Variants in STAG1 observed in about 807,000 individuals in gnomAD.
STAG1 encodes STAG1 cohesin complex component.
STAG1 carries 26 observed loss-of-function variants against 170.9 expected under a neutral mutation model. The observed-to-expected ratio is 0.15, with a 90% confidence interval of 0.11 to 0.21. The LOEUF is 0.21. Among genes scored for constraint, STAG1 ranks in the 10% least tolerant of loss-of-function variants. STAG1 has a pLI of 1.00. For missense variants in STAG1, 964 were observed against 1,509.5 expected (o/e 0.64, Z 5.99); for synonymous variants, 514 against 497.7 (o/e 1.03, Z -0.44).
At chr3:136,543,970 AG>A (rs1382898859) in intron 5 of STAG1, among the ~76,000 whole-genome samples, 5 of 152,156 alleles carry the variant, frequency 3.3e-5, no homozygotes, top group Admixed American at 6.5e-5. Flanking sequence ...TGAGTTCTAC[AG>A]GAAGTCAGAT....
chr3:136,340,424 A>C, intron 32 of STAG1, 67 bp downstream of exon 32: 1 of 1,067,986 alleles, frequency 9.4e-7, no homozygotes, highest in Non-Finnish European at 1.4e-6. Flanking sequence ...GCCCGGCCTA[A>C]GAGGATCATC....
chr3:136,400,054 C>A (rs2087274787), intron 21 of STAG1, among the ~76,000 whole-genome samples: 1 of 151,614 alleles, frequency 6.6e-6, no homozygotes, highest in African/African-American at 2.4e-5. Flanking sequence ...TCCCAAATAG[C>A]TGGGACTACA....
At chr3:136,703,927 G>A (rs973595549) in intron 1 of STAG1, among the ~76,000 whole-genome samples, 22 of 152,008 alleles carry the variant, frequency 1.4e-4, no homozygotes, top group African/African-American at 5.1e-4. Flanking sequence ...CAGGAGAATC[G>A]CTTGAACCTG....
intron 3 of STAG1, among the ~76,000 whole-genome samples, chr3:136,616,423 TA>T (rs1939600085): frequency 6.6e-6 from 1 of 152,068 alleles, no homozygotes; most frequent in African/African-American, 2.4e-5. Context: ...AAGTCAGAAC[TA>T]AAAACTAGTC....
intron 7 of STAG1, among the ~76,000 whole-genome samples, chr3:136,516,258 C>T (rs1430780509): frequency 6.6e-6 from 1 of 151,990 alleles, no homozygotes; most frequent in Non-Finnish European, 1.5e-5. Context: ...GTTGTAATCC[C>T]AGCACTTTTA....
At chr3:136,384,090 C>G (rs1238500463) in intron 22 of STAG1, among the ~76,000 whole-genome samples, 2 of 151,930 alleles carry the variant, frequency 1.3e-5, no homozygotes, top group Non-Finnish European at 2.9e-5. Flanking sequence ...AACCAGTATG[C>G]TATAATGACT....
chr3:136,509,472 G>A (rs1933942036), intron 7 of STAG1, among the ~76,000 whole-genome samples: 1 of 152,056 alleles, frequency 6.6e-6, no homozygotes, highest in Admixed American at 6.5e-5. Context: ...TGCAGGTATG[G>A]GAGAGATGGT....
chr3:136,611,445 G>A (rs1334364632), intron 3 of STAG1, among the ~76,000 whole-genome samples: 1 of 151,500 alleles, frequency 6.6e-6, no homozygotes, highest in African/African-American at 2.4e-5. Context: ...CATCGTGCCT[G>A]GCCATAATAT....
At chr3:136,551,208 T>TTGA (rs1936371547) in intron 5 of STAG1, among the ~76,000 whole-genome samples, 2 of 44,496 alleles carry the variant, frequency 4.5e-5, no homozygotes, top group Non-Finnish European at 7.3e-5. Flanking sequence ...TGAGAGAGAG[T>TTGA]GAGAGAGAGA....
At chr3:136,352,214 T>A (rs1177694425) in intron 28 of STAG1, among the ~76,000 whole-genome samples, 1 of 152,196 alleles carries the variant, frequency 6.6e-6, no homozygotes, top group Non-Finnish European at 1.5e-5. Flanking sequence ...GAGGTTGGAG[T>A]GCAGTGGCAC....
chr3:136,580,521 CTTTTTTT>C (rs760635116), intron 4 of STAG1, among the ~76,000 whole-genome samples: 4 of 100,340 alleles, frequency 4.0e-5, no homozygotes, highest in East Asian at 3.3e-4. Context: ...TTGTATAATT[CTTTTTTT>C]TTTTTTTTTT....
At chr3:136,385,449 C>A (rs1364919021) in intron 22 of STAG1, among the ~76,000 whole-genome samples, 1 of 152,062 alleles carries the variant, frequency 6.6e-6, no homozygotes, top group African/African-American at 2.4e-5. Flanking sequence ...CTACAGAAAA[C>A]CAACTTTTTC....
At chr3:136,532,298 C>T (rs1439155754) in intron 6 of STAG1, among the ~76,000 whole-genome samples, 1 of 152,142 alleles carries the variant, frequency 6.6e-6, no homozygotes, top group Non-Finnish European at 1.5e-5. Context: ...TATCTAACTT[C>T]ATCAGGGATG....
intron 7 of STAG1, chr3:136,518,489 A>T: frequency 1.5e-6 from 1 of 663,852 alleles, no homozygotes; most frequent in Non-Finnish European, 2.7e-6. Context: ...AGAAGAGGGC[A>T]AAGATGAGAA....
At chr3:136,691,143 CA>C (rs113062770) in intron 1 of STAG1, among the ~76,000 whole-genome samples, 173 of 151,272 alleles carry the variant, frequency 1.1e-3, no homozygotes, top group African/African-American at 2.4e-3. Context: ...ACAAAAAATA[CA>C]AAAAAAATTG....
intron 1 of STAG1, among the ~76,000 whole-genome samples, chr3:136,634,987 C>T (rs933988398): frequency 6.6e-6 from 1 of 152,116 alleles, no homozygotes; most frequent in African/African-American, 2.4e-5. Flanking sequence ...GACACTGAAT[C>T]AGTTATCAAA....
intron 16 of STAG1, among the ~76,000 whole-genome samples, chr3:136,429,919 G>C (rs1559796488): frequency 6.6e-6 from 1 of 151,970 alleles, no homozygotes; most frequent in Non-Finnish European, 1.5e-5. Flanking sequence ...TTAATTTATT[G>C]CAAGAATACA....
At chr3:136,505,140 T>C (rs768107259) in intron 7 of STAG1, among the ~76,000 whole-genome samples, 2 of 152,200 alleles carry the variant, frequency 1.3e-5, no homozygotes, top group South Asian at 2.1e-4. Flanking sequence ...TATCTCTGCA[T>C]AGAATTGGTA....
At chr3:136,434,899 A>G (rs2088410838) in intron 15 of STAG1, among the ~76,000 whole-genome samples, 1 of 152,166 alleles carries the variant, frequency 6.6e-6, no homozygotes, top group South Asian at 2.1e-4. Flanking sequence ...TTCTGATGAT[A>G]GTAGGTGGGT....
Sources: gnomAD v4.1 joint callset for allele counts (sites outside exome capture counted in the v4.1 genomes callset) on GRCh38, gnomAD v4.1.1 for gene constraint, MANE v1.5 for transcripts, NCBI Gene and HGNC (gene_info 2026-07-23, HGNC 2026-07-21) for gene names.